Variants in LRCH2 observed in about 807,000 individuals in gnomAD.
The protein encoded by LRCH2 is leucine-rich repeat and calponin homology domain-containing protein 2.
LRCH2 carries 38 observed loss-of-function variants against 68.9 expected under a neutral mutation model. That is an observed-to-expected ratio of 0.55 (90% CI 0.43 to 0.72). The LOEUF (loss-of-function observed/expected upper bound fraction) is 0.72. LRCH2 is among the 30% of genes least tolerant of loss of function. The pLI, the probability that LRCH2 is intolerant of heterozygous loss-of-function variation, is 0.00. For synonymous variants in LRCH2, 191 were observed against 208.1 expected (o/e 0.92, Z 0.71); for missense variants, 528 against 572.9 (o/e 0.92, Z 0.80).
chrX:115,230,676 A>T (rs2073147295), intron 1 of LRCH2, among the ~76,000 whole-genome samples: 1 of 111,922 alleles, frequency 8.9e-6, no homozygotes, highest in Admixed American at 9.5e-5. Context: ...CTTCACGTAA[A>T]TTTATCAAAC....
chrX:115,113,586 A>G (rs782436678), intron 20 of LRCH2, among the ~76,000 whole-genome samples: 280 of 111,302 alleles, frequency 2.5e-3, no homozygotes, highest in African/African-American at 8.3e-3. Flanking sequence ...CTACAAAGAA[A>G]ATGTTTATAA....
In LRCH2 at chrX:115,191,779, G is replaced by A. The variant is rs182038264; in HGVS notation, c.350-3409C>T. 2,103 of 1,162,152 alleles carry A rather than the reference G, an allele frequency of 1.8e-3. 12 individuals are homozygous for A. In the African/African-American group the frequency reaches 0.032, roughly 18 times the overall value. ...CCGCTACGGAGGAGGAGGCCGCTAC[G>A]AGGAGTACCGAGGCCGCTCGCTCGA... On this transcript the variant is annotated intron_variant, in intron 1 of 20. Coordinates refer to ENST00000317135, the MANE Select transcript of LRCH2 (RefSeq NM_020871.4).
At position 115,144,563 on chromosome X, in the gene LRCH2, A is replaced by T. The variant is rs782717061; in HGVS notation, c.1695+5264T>A. ...TTGTATTTGGAAAAACCTAGACTCC[A>T]CCAAAAAAAAAAAAATAGAACTGAT... On this transcript the variant is annotated intron_variant, in intron 14 of 20. Transcript: ENST00000317135. 9.2e-5 allele frequency among the ~76,000 whole-genome samples: 7 copies of T among 76,376 alleles called. No homozygotes were observed. In the South Asian group the frequency reaches 3.7e-3, roughly 41 times the overall value. 66.3% of individuals were successfully genotyped at this position (76,376 alleles called of 115,157 possible). A position where few individuals can be genotyped will look rare whatever the true frequency, so the allele number is the denominator to read the frequency against.
At chrX:115,233,602 G>A (rs2073167055) in intron 1 of LRCH2, 91 bp downstream of exon 1, 6 of 948,074 alleles carry the variant, frequency 6.3e-6, no homozygotes, top group Non-Finnish European at 8.5e-6. Flanking sequence ...CACCCGCCCA[G>A]ACCCGCAGAG....
At chrX:115,121,725 T>C (rs782759280) in intron 20 of LRCH2, among the ~76,000 whole-genome samples, 2 of 112,440 alleles carry the variant, frequency 1.8e-5, no homozygotes, top group Non-Finnish European at 3.7e-5. Flanking sequence ...GAGAACATTA[T>C]GTAATTTCCA....
intron 14 of LRCH2, among the ~76,000 whole-genome samples, chrX:115,133,774 G>A (rs1191047559): frequency 3.6e-5 from 4 of 111,623 alleles, no homozygotes; most frequent in Non-Finnish European, 7.5e-5. Context: ...CTAACCAGTT[G>A]TTCCCTATCT....
chrX:115,190,785 C>A (rs782631531), intron 1 of LRCH2: 1 of 1,163,733 alleles, frequency 8.6e-7, no homozygotes, highest in African/African-American at 1.8e-5. Flanking sequence ...GGGGCCGGTC[C>A]GACGACGCCT....
intron 2 of LRCH2, among the ~76,000 whole-genome samples, chrX:115,186,813 CTTTTTTTT>C (rs35505436): frequency 1.8e-5 from 1 of 54,314 alleles, no homozygotes; most frequent in African/African-American, 6.0e-5. Flanking sequence ...TTCCCTCACA[CTTTTTTTT>C]TTTTTTTTTT....
chrX:115,169,465 T>C (rs1178071706), intron 6 of LRCH2, among the ~76,000 whole-genome samples: 1 of 111,781 alleles, frequency 8.9e-6, no homozygotes, highest in Non-Finnish European at 1.9e-5. Flanking sequence ...AAATAATCTT[T>C]AAAAACTGAA....
intron 15 of LRCH2, among the ~76,000 whole-genome samples, chrX:115,129,746 A>G (rs1440968632): frequency 8.9e-6 from 1 of 111,885 alleles, no homozygotes; most frequent in East Asian, 2.8e-4. Flanking sequence ...GTTTATGGTA[A>G]TGCACAAACT....
In LRCH2 at chrX:115,165,829, C is replaced by G; in HGVS notation, c.1198+12G>C. 1.8e-6 allele frequency: 2 copies of G among 1,101,764 alleles called. No homozygotes were observed. The highest frequency in any genetic ancestry group is 2.4e-6 in the Non-Finnish European group (2 of 818,623). The allele number at this position is 1,101,764 out of a possible 1,213,427, so 90.8% of individuals were successfully genotyped here. ...TACATGAAACAAAAATAGCAGGTAC[C>G]ATATGAATTACCTTTCTGAGAATCA... On this transcript the variant is annotated intron_variant, in intron 8 of 20. Coordinates refer to ENST00000317135, the MANE Select transcript of LRCH2 (RefSeq NM_020871.4).
At chrX:115,154,029 A>T (rs1171208319) in intron 12 of LRCH2, among the ~76,000 whole-genome samples, 2 of 111,970 alleles carry the variant, frequency 1.8e-5, no homozygotes, top group Admixed American at 1.9e-4. Flanking sequence ...CTCTACAAAG[A>T]CACAAATCAG....
intron 12 of LRCH2, among the ~76,000 whole-genome samples, chrX:115,156,219 T>C (rs1330259774): frequency 8.9e-6 from 1 of 111,945 alleles, no homozygotes; most frequent in African/African-American, 3.2e-5. Context: ...TTATATCATG[T>C]ATTCACATAG....
chrX:115,111,185 C>G lies in LRCH2; in HGVS notation c.*2031G>C. 9.0e-6 allele frequency: 1 copy of G among 111,107 alleles called. No homozygotes were observed. The highest frequency in any genetic ancestry group is 1.9e-5 in the Non-Finnish European group (1 of 53,008). 9.2% of individuals were successfully genotyped at this position (111,107 alleles called of 1,213,427 possible). On this transcript the variant is annotated 3_prime_UTR_variant, in exon 21 of 21. Coordinates refer to ENST00000317135, the MANE Select transcript of LRCH2 (RefSeq NM_020871.4). The stretch of plus-strand genomic sequence containing the variant: ...TGCCATGATGTGGACCTCAGAGAAG[C>G]CCATCTTAAATTGAATTTTGCTCTG...
At chrX:115,149,800 T>C in intron 14 of LRCH2, 27 bp downstream of exon 14, 1 of 984,184 alleles carries the variant, frequency 1.0e-6, no homozygotes. Flanking sequence ...AATTACAAAG[T>C]AAATTTAAAA....
chrX:115,167,071 T>C (rs1556545368), intron 6 of LRCH2, among the ~76,000 whole-genome samples: 1 of 106,810 alleles, frequency 9.4e-6, no homozygotes, highest in Admixed American at 1.0e-4. Context: ...ATTAAGCAAT[T>C]TATCCAAGGA....
Position 115,130,281 on chromosome X carries a change from CATATTTTGGTAGCTTT to C in LRCH2, c.1696-98_1696-83del, listed in dbSNP as rs1422382174. 49 of 504,144 alleles carry C rather than the reference CATATTTTGGTAGCTTT, an allele frequency of 9.7e-5. 1 individual carries two copies. In the Middle Eastern group the frequency reaches 3.1e-3, roughly 31 times the overall value. The allele number at this position is 504,144 out of a possible 1,213,427, so 41.5% of individuals were successfully genotyped here. A position where few individuals can be genotyped will look rare whatever the true frequency, so the allele number is the denominator to read the frequency against. On this transcript the variant is annotated intron_variant, in intron 14 of 20. Transcript: ENST00000317135. The stretch of plus-strand genomic sequence containing the variant: ...TAGTAAATTATGTACAAGGTTCTTT[CATATTTTGGTAGCTTT>C]ATTACATTACCTGATAACAAATTTA...
chrX:115,204,372 A>C (rs1360537023), intron 1 of LRCH2, among the ~76,000 whole-genome samples: 2 of 113,154 alleles, frequency 1.8e-5, no homozygotes, highest in Non-Finnish European at 3.7e-5. Context: ...GCTCCTTTTT[A>C]CTTATGCAAA....
At chrX:115,229,902 G>C (rs1457947315) in intron 1 of LRCH2, among the ~76,000 whole-genome samples, 2 of 111,866 alleles carry the variant, frequency 1.8e-5, no homozygotes, top group Admixed American at 1.9e-4. Context: ...AGGAAAACAC[G>C]TGATTATCCA....
Sources: allele counts gnomAD v4.1 joint callset (sites outside exome capture counted in the v4.1 genomes callset), GRCh38; gene constraint gnomAD v4.1.1; transcripts MANE v1.5; gene names NCBI Gene and HGNC (gene_info 2026-07-23, HGNC 2026-07-21).